The following TRPM3 variants were observed in gnomAD, a reference collection of about 807,000 sequenced individuals.
TRPM3 encodes long transient receptor potential channel 3.
In TRPM3, 77 loss-of-function variants were observed where a neutral mutation model predicts 181.2. That is an observed-to-expected ratio of 0.42 (90% confidence interval 0.35 to 0.51). TRPM3 has a LOEUF of 0.51. Ranked by LOEUF, TRPM3 falls within the 20% of genes least tolerant of loss-of-function variation. The pLI, the probability that TRPM3 is intolerant of heterozygous loss-of-function variation, is 0.01. For missense variants in TRPM3, 1,759 were observed against 2,196.7 expected (o/e 0.80, Z 3.98); for synonymous variants, 745 against 796.4 (o/e 0.94, Z 1.09).
At chr9:70,888,620 A>T (rs867654202) in intron 1 of TRPM3, among the ~76,000 whole-genome samples, 27 of 152,138 alleles carry the variant, frequency 1.8e-4, no homozygotes, top group South Asian at 6.2e-4. Flanking sequence ...TAAAAATTTC[A>T]GATTGAAAGA....
At chr9:70,751,052 T>C (rs1308361813) in intron 8 of TRPM3, among the ~76,000 whole-genome samples, 1 of 151,616 alleles carries the variant, frequency 6.6e-6, no homozygotes. Flanking sequence ...ACTGAATAAA[T>C]GAATGAAATT....
At chr9:71,031,054 T>A (rs1210407595) in intron 1 of TRPM3, among the ~76,000 whole-genome samples, 1 of 152,214 alleles carries the variant, frequency 6.6e-6, no homozygotes, top group African/African-American at 2.4e-5. Context: ...TGCTCCTCAC[T>A]GCAGAATTAA....
chr9:70,979,930 A>C (rs2097346587), intron 1 of TRPM3, among the ~76,000 whole-genome samples: 1 of 151,890 alleles, frequency 6.6e-6, no homozygotes, highest in African/African-American at 2.4e-5. Flanking sequence ...CCCCATGCTT[A>C]TGCTTATGAC....
chr9:71,039,860 T>G (rs1487363734), intron 1 of TRPM3, among the ~76,000 whole-genome samples: 1 of 152,188 alleles, frequency 6.6e-6, no homozygotes, highest in African/African-American at 2.4e-5. Flanking sequence ...TATTACATCC[T>G]GTATCTGGGC....
At chr9:71,162,012 G>C (rs1251701881) in intron 1 of TRPM3, among the ~76,000 whole-genome samples, 1 of 151,778 alleles carries the variant, frequency 6.6e-6, no homozygotes, top group Admixed American at 6.6e-5. Context: ...GACCAGCCTG[G>C]CCAACATGGT....
At chr9:71,270,451 C>T (rs987142287) in intron 1 of TRPM3, among the ~76,000 whole-genome samples, 1 of 152,356 alleles carries the variant, frequency 6.6e-6, no homozygotes, top group African/African-American at 2.4e-5. Context: ...CCCCTGCTCA[C>T]TGGACTCATC....
intron 1 of TRPM3, among the ~76,000 whole-genome samples, chr9:71,219,319 T>A (rs150503365): frequency 3.3e-3 from 500 of 152,308 alleles, no homozygotes; most frequent in African/African-American, 0.012. Flanking sequence ...CATCAGTGTA[T>A]GCTTTAATCT....
At chr9:70,927,786 A>G (rs190149026) in intron 1 of TRPM3, among the ~76,000 whole-genome samples, 45 of 152,242 alleles carry the variant, frequency 3.0e-4, no homozygotes, top group Non-Finnish European at 5.7e-4. Context: ...GGCAAGCACA[A>G]TTGATTTGGG....
chr9:71,060,616 T>G (rs2061218740), intron 1 of TRPM3, among the ~76,000 whole-genome samples: 1 of 152,170 alleles, frequency 6.6e-6, no homozygotes, highest in Non-Finnish European at 1.5e-5. Context: ...ATCACAAGCA[T>G]GGGCCATGAG....
Position 70,848,976 on chromosome 9 carries a change from CAAAAA to C in TRPM3, c.463-2390_463-2386del, listed in dbSNP as rs749477799. 1.7e-4 allele frequency among the ~76,000 whole-genome samples: 2 copies of C among 11,976 alleles called. 1 individual carries two copies. The highest frequency in any genetic ancestry group is 2.3e-3 in the Admixed American group (2 of 872). The allele number at this position is 11,976 out of a possible 152,430, so 7.9% of individuals were successfully genotyped here. ...TGGGCGACAGAGCGAGACTCCGTCT[CAAAAA>C]AAAAAAAAAAAAAAAAAAAAGAAAT... On this transcript the variant is annotated intron_variant, in intron 3 of 25. Coordinates refer to ENST00000677713, the MANE Select transcript of TRPM3 (RefSeq NM_001366145.2).
chr9:71,099,207 C>T (rs568345589), intron 1 of TRPM3, among the ~76,000 whole-genome samples: 1 of 152,266 alleles, frequency 6.6e-6, no homozygotes, highest in Admixed American at 6.5e-5. Flanking sequence ...ATAGATAGTG[C>T]CTTCTCACTC....
At position 71,007,026 on chromosome 9, in the gene TRPM3, C is replaced by T. The variant is rs181925819; in HGVS notation, c.177+114152G>A. 1.3e-3 allele frequency among the ~76,000 whole-genome samples: 75 copies of T among 57,488 alleles called. 1 individual carries two copies. The East Asian group carries it at 0.035, about 27-fold the overall frequency. 37.7% of individuals were successfully genotyped at this position (57,488 alleles called of 152,430 possible). A position where few individuals can be genotyped will look rare whatever the true frequency, so the allele number is the denominator to read the frequency against. On this transcript the variant is annotated intron_variant, in intron 1 of 25. Transcript: ENST00000677713. ...TGCACTCCAGCCTAGGCAACAAGAG[C>T]GAAACTCCATCTCAAAAAAAAAAAA...
intron 1 of TRPM3, among the ~76,000 whole-genome samples, chr9:71,174,219 T>C (rs2076999779): frequency 6.6e-6 from 1 of 151,944 alleles, no homozygotes; most frequent in African/African-American, 2.4e-5. Context: ...CGCAGGAAAA[T>C]TAAGTTGAAA....
At position 71,333,649 on chromosome 9, in the gene TRPM3, G is replaced by A. The variant is rs553670893; in HGVS notation, c.183+113004C>T. 3.9e-5 allele frequency among the ~76,000 whole-genome samples: 6 copies of A among 151,998 alleles called. No individual in the cohort carries two copies. The South Asian group carries it at 1.0e-3, about 26-fold the overall frequency. Reference sequence around the variant, plus strand: ...AGTCAGCTGAAATAGTCCTCTTCCAGCAGACTCTTGTGATGACTTCAACCC... The same window carrying A: ...AGTCAGCTGAAATAGTCCTCTTCCAACAGACTCTTGTGATGACTTCAACCC... On this transcript the variant is annotated intron_variant, in intron 1 of 24. Transcript: ENST00000357533.
chr9:71,141,971 G>A (rs2075129274), intron 1 of TRPM3, among the ~76,000 whole-genome samples: 1 of 152,084 alleles, frequency 6.6e-6, no homozygotes, highest in Admixed American at 6.6e-5. Flanking sequence ...CTCTATAGTG[G>A]ACTTTGTCCA....
intron 3 of TRPM3, among the ~76,000 whole-genome samples, chr9:70,853,143 A>G (rs2095288124): frequency 6.6e-6 from 1 of 152,218 alleles, no homozygotes; most frequent in African/African-American, 2.4e-5. Context: ...CTTGGCAATC[A>G]TGGGACTCTT....
chr9:70,539,473 ATT>A (rs57538597), intron 25 of TRPM3, among the ~76,000 whole-genome samples: 30 of 137,408 alleles, frequency 2.2e-4, no homozygotes, highest in Non-Finnish European at 2.0e-4. Context: ...CCTGCTTGTA[ATT>A]TTTTTTTTTT....
At chr9:70,618,331 T>C (rs1001891589) in intron 17 of TRPM3, among the ~76,000 whole-genome samples, 2 of 152,256 alleles carry the variant, frequency 1.3e-5, no homozygotes, top group Admixed American at 6.5e-5. Context: ...TCAGATTATA[T>C]ACAGTGGTCT....
intron 6 of TRPM3, among the ~76,000 whole-genome samples, chr9:70,810,785 G>T (rs1028794994): frequency 6.6e-6 from 1 of 152,116 alleles, no homozygotes; most frequent in Non-Finnish European, 1.5e-5. Context: ...TTGGATTTAA[G>T]GCAAAGGCTT....
Sources: allele counts gnomAD v4.1 joint callset (sites outside exome capture counted in the v4.1 genomes callset), GRCh38; gene constraint gnomAD v4.1.1; transcripts MANE v1.5; gene names NCBI Gene and HGNC (gene_info 2026-07-23, HGNC 2026-07-21).